The following LRRC7 variants were observed in gnomAD, a reference collection of about 807,000 sequenced individuals.
LRRC7 encodes leucine rich repeat containing 7.
Under a neutral mutation model 175.7 loss-of-function variants are expected in LRRC7, and 23 were observed. That is an observed-to-expected ratio of 0.13 (90% CI 0.09 to 0.19). LRRC7 has a LOEUF of 0.19. Ranked by LOEUF, LRRC7 falls within the 10% of genes least tolerant of loss-of-function variation. LRRC7 has a pLI of 1.00. For missense variants in LRRC7, 1,354 were observed against 1,904.7 expected (o/e 0.71, Z 5.38); for synonymous variants, 685 against 680.9 (o/e 1.01, Z -0.09).
chr1:70,057,051 T>C (rs1237510420), intron 23 of LRRC7, among the ~76,000 whole-genome samples: 2 of 152,132 alleles, frequency 1.3e-5, no homozygotes, highest in East Asian at 3.9e-4. Context: ...AAGAAACCTG[T>C]AAAACTCAAG....
intron 7 of LRRC7, among the ~76,000 whole-genome samples, chr1:69,869,845 A>G (rs1362051206): frequency 6.6e-6 from 1 of 152,178 alleles, no homozygotes; most frequent in East Asian, 1.9e-4. Flanking sequence ...ATTTATACCT[A>G]ATAACAATTC....
intron 1 of LRRC7, among the ~76,000 whole-genome samples, chr1:69,601,302 T>C (rs1399914899): frequency 6.6e-6 from 1 of 152,186 alleles, no homozygotes; most frequent in Non-Finnish European, 1.5e-5. Context: ...TCTGTGTCTG[T>C]ATCAGCCAAA....
rs139949863 is a variant in LRRC7 at position 69,657,559 on chromosome 1, C to T, written c.3-20822C>T. On this transcript the variant is annotated intron_variant, in intron 1 of 26. Coordinates refer to ENST00000651989, the MANE Select transcript of LRRC7 (RefSeq NM_001370785.2). Reference sequence around the variant, plus strand: ...TAAAATGTATACATTGTATTTTTCCCCGATGTGTCTTCTGTATGTAAAGTA... The same window carrying T: ...TAAAATGTATACATTGTATTTTTCCTCGATGTGTCTTCTGTATGTAAAGTA... Among the ~76,000 whole-genome samples, 1,419 of 151,772 alleles carry T rather than the reference C, an allele frequency of 9.3e-3. 23 individuals carry two copies. Among genetic ancestry groups the T allele is most frequent in the African/African-American group, 0.033 (1,364 of 41,448 alleles).
At chr1:69,990,627 T>C (rs1274156414) in intron 10 of LRRC7, among the ~76,000 whole-genome samples, 1 of 152,042 alleles carries the variant, frequency 6.6e-6, no homozygotes, top group East Asian at 1.9e-4. Flanking sequence ...TTCAGTTAAA[T>C]AGACATGTTA....
chr1:69,973,391 T>A (rs941897209), intron 8 of LRRC7, among the ~76,000 whole-genome samples: 16 of 151,780 alleles, frequency 1.1e-4, no homozygotes, highest in African/African-American at 3.6e-4. Flanking sequence ...ACTAAAGAAC[T>A]TACTCATGTA....
At chr1:69,608,199 C>CA (rs1276574148) in intron 1 of LRRC7, 2 of 152,178 alleles carry the variant, frequency 1.3e-5, no homozygotes, top group Admixed American at 6.6e-5. Context: ...AGCATATCTA[C>CA]AAAAAATTTG....
intron 7 of LRRC7, among the ~76,000 whole-genome samples, chr1:69,857,804 A>T (rs1185457973): frequency 6.6e-6 from 1 of 152,150 alleles, no homozygotes; most frequent in Non-Finnish European, 1.5e-5. Context: ...CATTGCCAAG[A>T]CAATCCTAAG....
At chr1:70,010,339 G>A (rs1656388714) in intron 11 of LRRC7, among the ~76,000 whole-genome samples, 1 of 152,210 alleles carries the variant, frequency 6.6e-6, no homozygotes, top group Non-Finnish European at 1.5e-5. Flanking sequence ...GCTGAGGAAG[G>A]TAGATTACTT....
At chr1:69,860,709 A>G (rs1250259493) in intron 7 of LRRC7, among the ~76,000 whole-genome samples, 2 of 152,092 alleles carry the variant, frequency 1.3e-5, no homozygotes, top group Non-Finnish European at 2.9e-5. Context: ...AAACCTATGT[A>G]ATATTTAGGA....
chr1:70,088,450 C>A (rs1220473716), intron 24 of LRRC7, among the ~76,000 whole-genome samples: 2 of 152,176 alleles, frequency 1.3e-5, no homozygotes, highest in Non-Finnish European at 2.9e-5. Flanking sequence ...TAAGTCTCAG[C>A]TTGTTGGGAG....
At chr1:69,677,588 C>G (rs1267577935) in intron 1 of LRRC7, among the ~76,000 whole-genome samples, 2 of 152,070 alleles carry the variant, frequency 1.3e-5, no homozygotes, top group Non-Finnish European at 2.9e-5. Context: ...TGTATTTTGA[C>G]TTTTTAATAA....
chr1:69,928,206 C>T (rs570072616), intron 7 of LRRC7, among the ~76,000 whole-genome samples: 1 of 152,156 alleles, frequency 6.6e-6, no homozygotes, highest in Non-Finnish European at 1.5e-5. Context: ...AGGTGTCAGT[C>T]TGCCCCTACT....
intron 2 of LRRC7, among the ~76,000 whole-genome samples, chr1:69,679,603 G>A (rs115963613): frequency 0.015 from 2,348 of 152,142 alleles, 20 homozygotes; most frequent in Middle Eastern, 0.054. Context: ...TAAAGATAGA[G>A]TTCATGGGCA....
chr1:70,097,685 C>G (rs1664511893), intron 25 of LRRC7, among the ~76,000 whole-genome samples: 1 of 148,662 alleles, frequency 6.7e-6, no homozygotes, highest in African/African-American at 2.5e-5. Flanking sequence ...TTGTTCAATT[C>G]CCACCTATGA....
chr1:70,053,696 T>A (rs545482398), intron 23 of LRRC7, among the ~76,000 whole-genome samples: 59 of 151,938 alleles, frequency 3.9e-4, no homozygotes, highest in South Asian at 2.5e-3. Context: ...ACATAACAGA[T>A]CCCCACAACA....
At position 70,134,282 on chromosome 1, in the gene LRRC7, C is replaced by A. The variant is rs1051059633; in HGVS notation, c.*12395C>A. On this transcript the variant is annotated 3_prime_UTR_variant, in exon 27 of 27. Coordinates refer to ENST00000651989, the MANE Select transcript of LRRC7 (RefSeq NM_001370785.2). The stretch of plus-strand genomic sequence containing the variant: ...ATATCTGGGTGCTGAAGGCAGAGAA[C>A]CCCTGGCGGCCTTGGTGACATGTGT... Among the ~76,000 whole-genome samples the A allele has an allele frequency of 2.0e-5, 3 of 152,204 alleles. No homozygotes were observed. The highest frequency in any genetic ancestry group is 4.4e-5 in the Non-Finnish European group (3 of 68,044).
intron 2 of LRRC7, among the ~76,000 whole-genome samples, chr1:69,718,800 G>C (rs1326849136): frequency 6.6e-6 from 1 of 151,724 alleles, no homozygotes; most frequent in Non-Finnish European, 1.5e-5. Context: ...TTCAAAGAGG[G>C]CAACAGTGTT....
chr1:69,991,695 T>C (rs1403606298), intron 10 of LRRC7, among the ~76,000 whole-genome samples: 1 of 152,180 alleles, frequency 6.6e-6, no homozygotes, highest in African/African-American at 2.4e-5. Context: ...TTTAAAAGAA[T>C]AAAAGATAAG....
chr1:69,841,688 A>T (rs1048461636), intron 7 of LRRC7, among the ~76,000 whole-genome samples: 2 of 152,098 alleles, frequency 1.3e-5, no homozygotes, highest in African/African-American at 4.8e-5. Context: ...TTATCTCCTC[A>T]AGACAGTATG....
Sources: gnomAD v4.1 joint callset for allele counts (sites outside exome capture counted in the v4.1 genomes callset) on GRCh38, gnomAD v4.1.1 for gene constraint, MANE v1.5 for transcripts, NCBI Gene and HGNC (gene_info 2026-07-23, HGNC 2026-07-21) for gene names.